Variants in PITPNC1 observed in about 807,000 individuals in gnomAD.
PITPNC1 encodes cytoplasmic phosphatidylinositol transfer protein 1.
PITPNC1 carries 18 observed loss-of-function variants against 44.7 expected under a neutral mutation model. The observed-to-expected ratio is 0.40, with a 90% confidence interval of 0.28 to 0.60. The LOEUF is 0.60. Among genes scored for constraint, PITPNC1 ranks in the 20% least tolerant of loss-of-function variants. The pLI, the probability that PITPNC1 is intolerant of heterozygous loss-of-function variation, is 0.39. For missense variants in PITPNC1, 290 were observed against 418.4 expected (o/e 0.69, Z 2.68); for synonymous variants, 141 against 149.6 (o/e 0.94, Z 0.42).
intron 1 of PITPNC1, among the ~76,000 whole-genome samples, chr17:67,469,411 A>G (rs1213756372): frequency 2.0e-5 from 3 of 152,186 alleles, no homozygotes; most frequent in Admixed American, 2.0e-4. Context: ...TTAGAAATGC[A>G]GAATCTGCAG....
chr17:67,469,509 C>T (rs2039481899), intron 1 of PITPNC1, among the ~76,000 whole-genome samples: 1 of 152,194 alleles, frequency 6.6e-6, no homozygotes, highest in Admixed American at 6.5e-5. Context: ...AGCCTGGTCT[C>T]GGTTACCTCC....
intron 4 of PITPNC1, among the ~76,000 whole-genome samples, chr17:67,565,964 T>C (rs2040975283): frequency 6.6e-6 from 1 of 152,152 alleles, no homozygotes; most frequent in South Asian, 2.1e-4. Context: ...TGTATTTCAG[T>C]GTGGATACTA....
At chr17:67,590,836 C>T (rs1415377727) in intron 5 of PITPNC1, among the ~76,000 whole-genome samples, 1 of 151,878 alleles carries the variant, frequency 6.6e-6, no homozygotes, top group African/African-American at 2.4e-5. Context: ...ACCTGTAATC[C>T]CAGCTACTGG....
chr17:67,537,579 T>C (rs1354916097), intron 2 of PITPNC1, among the ~76,000 whole-genome samples: 1 of 152,176 alleles, frequency 6.6e-6, no homozygotes, highest in Non-Finnish European at 1.5e-5. Context: ...ACATACCATA[T>C]TCATGGACGG....
At chr17:67,485,816 C>T (rs78595473) in intron 1 of PITPNC1, among the ~76,000 whole-genome samples, 3 of 152,228 alleles carry the variant, frequency 2.0e-5, no homozygotes, top group East Asian at 1.9e-4. Context: ...AAAGCTATCA[C>T]GCTGTATGAG....
At chr17:67,399,139 C>G (rs201770993) in intron 1 of PITPNC1, among the ~76,000 whole-genome samples, 49 of 151,678 alleles carry the variant, frequency 3.2e-4, no homozygotes, top group Admixed American at 6.6e-5. Context: ...CTCAGCCTCC[C>G]GAGTAGCTGG....
intron 5 of PITPNC1, among the ~76,000 whole-genome samples, chr17:67,615,925 G>C (rs564533484): frequency 6.6e-6 from 1 of 152,252 alleles, no homozygotes; most frequent in East Asian, 1.9e-4. Flanking sequence ...CCCAAGGGAG[G>C]CTGCAGCCCA....
At chr17:67,400,164 C>G (rs2038285807) in intron 1 of PITPNC1, among the ~76,000 whole-genome samples, 1 of 152,178 alleles carries the variant, frequency 6.6e-6, no homozygotes, top group Admixed American at 6.5e-5. Flanking sequence ...ATTTTGGAGT[C>G]TCTGCTTTCC....
At chr17:67,572,356 T>C (rs1051786716) in intron 4 of PITPNC1, among the ~76,000 whole-genome samples, 2 of 151,338 alleles carry the variant, frequency 1.3e-5, no homozygotes, top group Non-Finnish European at 2.9e-5. Flanking sequence ...TGAGAATGAC[T>C]AGGTTAGATG....
intron 1 of PITPNC1, among the ~76,000 whole-genome samples, chr17:67,387,260 C>G (rs947308835): frequency 1.3e-5 from 2 of 152,208 alleles, no homozygotes; most frequent in African/African-American, 4.8e-5. Flanking sequence ...CCCTGCTGCT[C>G]TCCTGGGTTA....
intron 1 of PITPNC1, among the ~76,000 whole-genome samples, chr17:67,494,185 TTTTCTTTCTTTC>T (rs1555657747): frequency 2.0e-5 from 2 of 102,428 alleles, no homozygotes; most frequent in East Asian, 2.9e-4. Context: ...CTTTCTTTCT[TTTTCTTTCTTTC>T]TTTCTTTCTT....
rs1241705963 is a variant in PITPNC1 at position 67,552,361 on chromosome 17, A to C, written c.286+16A>C. Reference sequence around the variant, plus strand: ...ACAATTACAGGTAAGTCCTTAGTACAACCATATGGCACATGTAGTGAGTGC... The same window carrying C: ...ACAATTACAGGTAAGTCCTTAGTACCACCATATGGCACATGTAGTGAGTGC... On this transcript the variant is annotated intron_variant, in intron 3 of 8. Coordinates refer to ENST00000581322, the MANE Select transcript of PITPNC1 (RefSeq NM_012417.4). 1.6e-6 allele frequency: 2 copies of C among 1,215,090 alleles called. No homozygotes were observed. The highest frequency in any genetic ancestry group is 2.5e-6 in the Non-Finnish European group (2 of 815,356). The allele number at this position is 1,215,090 out of a possible 1,614,324, so 75.3% of individuals were successfully genotyped here. A position where few individuals can be genotyped will look rare whatever the true frequency, so the allele number is the denominator to read the frequency against.
At chr17:67,487,560 T>C (rs941864306) in intron 1 of PITPNC1, among the ~76,000 whole-genome samples, 20 of 152,188 alleles carry the variant, frequency 1.3e-4, no homozygotes, top group African/African-American at 4.6e-4. Flanking sequence ...TCTGTATCCA[T>C]CTGAGCTCAG....
chr17:67,687,397 G>A (rs1466340552), intron 8 of PITPNC1, among the ~76,000 whole-genome samples: 1 of 152,100 alleles, frequency 6.6e-6, no homozygotes, highest in African/African-American at 2.4e-5. Flanking sequence ...TTGACGTGGA[G>A]GTTATTTCGG....
intron 1 of PITPNC1, among the ~76,000 whole-genome samples, chr17:67,378,472 G>A (rs1176034665): frequency 6.6e-6 from 1 of 152,270 alleles, no homozygotes; most frequent in South Asian, 2.1e-4. Context: ...TGAGCCAAAG[G>A]GAGTGGGTGC....
intron 1 of PITPNC1, among the ~76,000 whole-genome samples, 181 bp downstream of exon 1, chr17:67,378,383 AGGGCGGCGCTGGGTG>A (rs1350354323): frequency 6.6e-6 from 1 of 151,786 alleles, no homozygotes; most frequent in Non-Finnish European, 1.5e-5. Context: ...CCAGCGGGGG[AGGGCGGCGCTGGGTG>A]GGGCGGCGGA....
At chr17:67,541,873 G>A (rs1257434600) in intron 2 of PITPNC1, among the ~76,000 whole-genome samples, 1 of 152,198 alleles carries the variant, frequency 6.6e-6, no homozygotes, top group East Asian at 1.9e-4. Flanking sequence ...GAAAGACTTC[G>A]GCTCAGGTTA....
chr17:67,385,559 A>C (rs1483768858), intron 1 of PITPNC1, among the ~76,000 whole-genome samples: 2 of 144,798 alleles, frequency 1.4e-5, no homozygotes, highest in Non-Finnish European at 3.0e-5. Context: ...TGCTGTTCAC[A>C]CTAAATCTTC....
intron 1 of PITPNC1, among the ~76,000 whole-genome samples, chr17:67,404,410 C>G (rs140247350): frequency 6.6e-6 from 1 of 152,274 alleles, no homozygotes; most frequent in Non-Finnish European, 1.5e-5. Flanking sequence ...TAGACTGTGT[C>G]TTGCAAACAG....
Sources: allele counts gnomAD v4.1 joint callset (sites outside exome capture counted in the v4.1 genomes callset), GRCh38; gene constraint gnomAD v4.1.1; transcripts MANE v1.5; gene names NCBI Gene and HGNC (gene_info 2026-07-23, HGNC 2026-07-21).